Variants in GALNT2 observed in about 807,000 individuals in gnomAD.
The protein encoded by GALNT2 is polypeptide N-acetylgalactosaminyltransferase 2, also known as UDP-GalNAc:polypeptide N-acetylgalactosaminyltransferase 2.
A neutral mutation model predicts 81.4 loss-of-function variants in GALNT2; 31 were observed. The observed-to-expected ratio is 0.38, with a 90% CI of 0.29 to 0.51. The LOEUF (loss-of-function observed/expected upper bound fraction) is 0.51. GALNT2 is among the 20% of genes least tolerant of loss of function. The pLI is 0.87. For missense variants in GALNT2, 629 were observed against 765.7 expected (o/e 0.82, Z 2.11); for synonymous variants, 303 against 287.4 (o/e 1.05, Z -0.55).
intron 6 of GALNT2, 25 bp downstream of exon 6, chr1:230,236,750 CA>C (rs1228943374): frequency 6.3e-7 from 1 of 1,595,950 alleles, no homozygotes; most frequent in Non-Finnish European, 8.5e-7. Flanking sequence ...AATTCAGCGC[CA>C]AGACAGTTGA....
At chr1:230,248,320 A>G (rs544503940) in intron 8 of GALNT2, among the ~76,000 whole-genome samples, 1 of 152,250 alleles carries the variant, frequency 6.6e-6, no homozygotes, top group Non-Finnish European at 1.5e-5. Context: ...TGAAAGATGC[A>G]TGCCCTAGAG....
chr1:230,221,377 A>G (rs1431654148), intron 3 of GALNT2, among the ~76,000 whole-genome samples: 1 of 152,196 alleles, frequency 6.6e-6, no homozygotes, highest in Non-Finnish European at 1.5e-5. Flanking sequence ...TTAAAAGGAG[A>G]TGCTATTTGA....
At position 230,236,570 on chromosome 1, in the gene GALNT2, G is replaced by A. The variant is rs538926522; in HGVS notation, c.542-90G>A. 13 of 1,433,830 alleles carry A rather than the reference G, an allele frequency of 9.1e-6. No homozygotes were observed. In the East Asian group the frequency reaches 2.1e-4, roughly 23 times the overall value. The allele number at this position is 1,433,830 out of a possible 1,614,324, so 88.8% of individuals were successfully genotyped here. ...TCTGTGATGCCCCAAGGAGATAATC[G>A]GCCCTTAGATGATTGAGAATACTAT... On this transcript the variant is annotated intron_variant, in intron 5 of 15. Coordinates refer to ENST00000366672, the MANE Select transcript of GALNT2 (RefSeq NM_004481.5).
chr1:230,075,328 C>T (rs1181305755), intron 1 of GALNT2, among the ~76,000 whole-genome samples: 1 of 151,960 alleles, frequency 6.6e-6, no homozygotes, highest in African/African-American at 2.4e-5. Flanking sequence ...GTTTCACCAC[C>T]CAGGCTGGTC....
At chr1:230,066,872 G>A (rs986275852), upstream of GALNT2, among the ~76,000 whole-genome samples, 12 of 151,700 alleles carry the variant, frequency 7.9e-5, no homozygotes, top group South Asian at 2.1e-4. Context: ...GGAGGGGGCG[G>A]CCGGCGGGGG....
At chr1:230,138,539 A>AG (rs1225481486) in intron 1 of GALNT2, among the ~76,000 whole-genome samples, 3 of 150,962 alleles carry the variant, frequency 2.0e-5, no homozygotes, top group African/African-American at 7.4e-5. Flanking sequence ...AAAAAAAAAA[A>AG]AAAAATGAAA....
intron 2 of GALNT2, among the ~76,000 whole-genome samples, chr1:230,190,606 C>G (rs1045384387): frequency 1.2e-4 from 18 of 152,310 alleles, no homozygotes; most frequent in Non-Finnish European, 8.8e-5. Flanking sequence ...TCAGAGCCCC[C>G]TCTGGGCTCT....
intron 2 of GALNT2, among the ~76,000 whole-genome samples, chr1:230,190,213 A>G (rs1459702316): frequency 6.6e-6 from 1 of 152,220 alleles, no homozygotes; most frequent in Admixed American, 6.5e-5. Flanking sequence ...TAAGAAAATT[A>G]TATTCATACA....
intron 6 of GALNT2, among the ~76,000 whole-genome samples, chr1:230,239,837 T>C (rs1665145319): frequency 6.6e-6 from 1 of 152,280 alleles, no homozygotes; most frequent in Non-Finnish European, 1.5e-5. Flanking sequence ...ACTTTTCATG[T>C]ATGCACAGTT....
rs113017328 is a variant in GALNT2 at position 230,243,457 on chromosome 1, A to C, written c.729+30A>C. ...GATGACGGGGGCTGGGAGGGGTGTCAGGTCGTGGGTGGTTGGTAGAGGGGA... is the reference window on the plus strand; with the variant it reads ...GATGACGGGGGCTGGGAGGGGTGTCCGGTCGTGGGTGGTTGGTAGAGGGGA... On this transcript the variant is annotated intron_variant, in intron 7 of 15. Transcript: ENST00000366672. The surrounding 1 kb of genome is among the most constrained non-coding windows in gnomAD (Gnocchi z 4.2). The C allele has an allele frequency of 2.7e-4, 436 of 1,605,434 alleles. 1 individual carries two copies. In the African/African-American group the frequency reaches 4.8e-3, roughly 18 times the overall value.
chr1:230,166,127 T>TAAA (rs3831028), intron 1 of GALNT2, among the ~76,000 whole-genome samples: 13 of 149,412 alleles, frequency 8.7e-5, no homozygotes, highest in Admixed American at 1.3e-4. Flanking sequence ...TTGTAATTAA[T>TAAA]AAAAAAAAAA....
Position 230,193,529 on chromosome 1 carries a change from C to G in GALNT2, c.221-9608C>G, listed in dbSNP as rs1663593839. 1.3e-5 allele frequency among the ~76,000 whole-genome samples: 2 copies of G among 151,420 alleles called. No homozygotes were observed. The highest frequency in any genetic ancestry group is 4.2e-4 in the South Asian group (2 of 4,768). ...TGCGTGCGCCTCTGTGTGCTGGGGT[C>G]TTCATGTGCTTTGTGATGTTAATTC... On this transcript the variant is annotated intron_variant, in intron 2 of 15. Coordinates refer to ENST00000366672, the MANE Select transcript of GALNT2 (RefSeq NM_004481.5). The surrounding 1 kb of genome is among the most constrained non-coding windows in gnomAD (Gnocchi z 4.3).
intron 3 of GALNT2, among the ~76,000 whole-genome samples, chr1:230,209,580 G>A (rs981777727): frequency 3.3e-5 from 5 of 152,194 alleles, no homozygotes; most frequent in South Asian, 2.1e-4. Context: ...AGTGGCTCAT[G>A]CCTGTAATCC....
intron 1 of GALNT2, among the ~76,000 whole-genome samples, chr1:230,119,091 G>C (rs1038601073): frequency 6.6e-6 from 1 of 152,026 alleles, no homozygotes. Context: ...TTTAATTATC[G>C]CTCAAATCTC....
rs368330813 is a variant in GALNT2 at position 230,185,307 on chromosome 1, CGT to C, written c.220+7009_220+7010del. ...GTGTGTGTGTGTGTGTGTGTGCGCG[CGT>C]GTGTGTGTGTGTTTAACCTCTTAGT... is the stretch of plus-strand genomic sequence containing the variant. On this transcript the variant is annotated intron_variant, in intron 2 of 15. Coordinates refer to ENST00000366672, the MANE Select transcript of GALNT2 (RefSeq NM_004481.5). 1.1e-3 allele frequency among the ~76,000 whole-genome samples: 146 copies of C among 128,114 alleles called. 1 individual carries two copies. The highest frequency in any genetic ancestry group is 6.3e-3 in the South Asian group (24 of 3,790). The allele number at this position is 128,114 out of a possible 152,430, so 84.0% of individuals were successfully genotyped here.
chr1:230,247,024 G>A (rs1247792574), intron 8 of GALNT2, among the ~76,000 whole-genome samples: 1 of 151,398 alleles, frequency 6.6e-6, no homozygotes, highest in African/African-American at 2.4e-5. Flanking sequence ...AGGATTGCTT[G>A]AGCCCAGGAG....
At chr1:230,143,264 C>T (rs6674744) in intron 1 of GALNT2, among the ~76,000 whole-genome samples, 119,154 of 152,130 alleles carry the variant, frequency 0.78, 47,211 homozygotes, top group African/African-American at 0.81. Flanking sequence ...TCAGTTTCTG[C>T]GTGTGAAAAA....
At chr1:230,199,506 A>G (rs78289645) in intron 2 of GALNT2, among the ~76,000 whole-genome samples, 2,214 of 152,284 alleles carry the variant, frequency 0.015, 56 homozygotes, top group African/African-American at 0.051. Context: ...AATAGAATAG[A>G]TCTGTTCCTC....
intron 2 of GALNT2, among the ~76,000 whole-genome samples, chr1:230,188,914 C>T (rs982442902): frequency 1.2e-4 from 19 of 152,172 alleles, no homozygotes; most frequent in African/African-American, 4.3e-4. Flanking sequence ...ATAAGTTTCT[C>T]CCTGTAATTG....
Sources: allele counts gnomAD v4.1 joint callset (sites outside exome capture counted in the v4.1 genomes callset), GRCh38; gene constraint gnomAD v4.1.1; non-coding constraint Gnocchi (gnomAD v3.1); transcripts MANE v1.5; gene names NCBI Gene and HGNC (gene_info 2026-07-23, HGNC 2026-07-21).